The following HSPBAP1 variants were observed in gnomAD, a reference collection of about 807,000 sequenced individuals.
HSPBAP1 encodes HSPB1-associated protein 1.
In HSPBAP1, 27 loss-of-function variants were observed where a neutral mutation model predicts 45.2. The observed-to-expected ratio is 0.60, with a 90% CI of 0.44 to 0.82. HSPBAP1 has a LOEUF of 0.82. HSPBAP1 is among the 40% of genes least tolerant of loss of function. HSPBAP1 has a pLI of 0.00. For synonymous variants in HSPBAP1, 204 were observed against 202.7 expected, an observed-to-expected ratio of 1.01 and a Z score of -0.06; for missense variants, 510 against 590.9, an observed-to-expected ratio of 0.86 and a Z score of 1.42.
At chr3:122,777,935 A>T in intron 1 of HSPBAP1, 29 bp from the exon 2 acceptor site, 1 of 1,500,452 alleles carries the variant, frequency 6.7e-7, no homozygotes, top group Non-Finnish European at 9.2e-7. Context: ...ACAGCAATAG[A>T]TAGAAAACTA....
chr3:122,755,202 A>G, intron 5 of HSPBAP1, 58 bp downstream of exon 5: 1 of 1,373,632 alleles, frequency 7.3e-7, no homozygotes, highest in East Asian at 2.6e-5. Context: ...TAAGGACTTG[A>G]GAGAGTTACA....
chr3:122,754,421 T>C (rs1191966249), intron 5 of HSPBAP1: 3 of 477,878 alleles, frequency 6.3e-6, no homozygotes, highest in Non-Finnish European at 8.2e-6. Flanking sequence ...GTGTGAAATG[T>C]CCAGAATGGG....
intron 1 of HSPBAP1, among the ~76,000 whole-genome samples, chr3:122,786,819 C>T (rs987702624): frequency 1.3e-5 from 2 of 152,114 alleles, no homozygotes; most frequent in East Asian, 1.9e-4. Flanking sequence ...TCAGGCCCAT[C>T]GTGAAATAAA....
intron 3 of HSPBAP1, among the ~76,000 whole-genome samples, chr3:122,768,393 A>AGGCAAT (rs1934863362): frequency 6.6e-6 from 1 of 152,212 alleles, no homozygotes; most frequent in Non-Finnish European, 1.5e-5. Context: ...GGAGGTCAGG[A>AGGCAAT]GGCAATGAAG....
At position 122,749,064 on chromosome 3, in the gene HSPBAP1, C is replaced by T. The variant is rs1283982074; in HGVS notation, c.825+3527G>A. On this transcript the variant is annotated intron_variant, in intron 6 of 7. Coordinates refer to ENST00000306103, the MANE Select transcript of HSPBAP1 (RefSeq NM_024610.6). ...GAATAAGTATATAAATAAGTAAAGA[C>T]ATATTTATATGCTTATGCACTTTGT... is the stretch of plus-strand genomic sequence containing the variant. Among the ~76,000 whole-genome samples, 4 of 151,810 alleles carry T rather than the reference C, an allele frequency of 2.6e-5. No individual in the cohort carries two copies. In the East Asian group the frequency reaches 7.7e-4, roughly 29 times the overall value.
chr3:122,747,069 C>G lies in HSPBAP1; in HGVS notation c.825+5522G>C, dbSNP rs570390116. 3.3e-5 allele frequency among the ~76,000 whole-genome samples: 5 copies of G among 152,232 alleles called. No homozygotes were observed. The South Asian group carries it at 1.0e-3, about 32-fold the overall frequency. On this transcript the variant is annotated intron_variant, in intron 6 of 7. Coordinates refer to ENST00000306103, the MANE Select transcript of HSPBAP1 (RefSeq NM_024610.6). ...GCCGAGATTGCAGCCTCTGCCCGGCCGCCACCCCATCTGGGAAGTGAGGAG... is the reference window on the plus strand; with the variant it reads ...GCCGAGATTGCAGCCTCTGCCCGGCGGCCACCCCATCTGGGAAGTGAGGAG...
chr3:122,778,731 T>C (rs1021844150), intron 1 of HSPBAP1, among the ~76,000 whole-genome samples: 1 of 151,998 alleles, frequency 6.6e-6, no homozygotes, highest in Non-Finnish European at 1.5e-5. Flanking sequence ...GGGGTTTCAC[T>C]GTATTAGCCA....
intron 1 of HSPBAP1, among the ~76,000 whole-genome samples, chr3:122,790,186 T>C (rs1935780527): frequency 6.6e-6 from 1 of 152,144 alleles, no homozygotes; most frequent in Non-Finnish European, 1.5e-5. Context: ...AAATCTCCAG[T>C]ACCTTTCTCT....
chr3:122,741,218 C>A, intron 6 of HSPBAP1, 105 bp from the exon 7 acceptor site: 2 of 853,972 alleles, frequency 2.3e-6, no homozygotes, highest in African/African-American at 1.7e-5. Flanking sequence ...TTAATATAAG[C>A]TTTGTTATAG....
chr3:122,779,970 C>T (rs1223953601), intron 1 of HSPBAP1, among the ~76,000 whole-genome samples: 5 of 151,434 alleles, frequency 3.3e-5, no homozygotes, highest in African/African-American at 4.8e-5. Context: ...CCCCCCTTTC[C>T]ATTCCACAAA....
chr3:122,779,731 A>G (rs2107533690), intron 1 of HSPBAP1, among the ~76,000 whole-genome samples: 1 of 150,248 alleles, frequency 6.7e-6, no homozygotes, highest in East Asian at 1.9e-4. Context: ...GCTGCCTTCA[A>G]GCATCTGTTT....
In HSPBAP1 at chr3:122,755,397, G is replaced by T. The variant is rs1320640098; in HGVS notation, c.604C>A (p.Pro202Thr). 2.6e-6 allele frequency: 4 copies of T among 1,559,366 alleles called. No individual in the cohort carries two copies. The highest frequency in any genetic ancestry group is 1.9e-5 in the Admixed American group (1 of 52,812). ...GGGATTCTAGTTGGATAAAGGAAAG[G>T]AGTATCTTCAGGAGGAAAGAGATGC... Reference protein sequence around the residue: ...RWHLFPPEDTPFLYPTRIPYE... With the variant: ...RWHLFPPEDTTFLYPTRIPYE... Residue 202 changes from proline to threonine, a missense_variant, in exon 5 of 8, where the codon CCT becomes ACT. Transcript: ENST00000306103.
chr3:122,793,198 C>A (rs1433524808), intron 1 of HSPBAP1, among the ~76,000 whole-genome samples: 1 of 152,234 alleles, frequency 6.6e-6, no homozygotes, highest in Non-Finnish European at 1.5e-5. Context: ...TCCCCACTTG[C>A]TAAACCAGGG....
chr3:122,760,684 G>C (rs568550209), intron 3 of HSPBAP1, among the ~76,000 whole-genome samples: 40 of 152,216 alleles, frequency 2.6e-4, no homozygotes, highest in Admixed American at 2.3e-3. Flanking sequence ...GTTCCAGTGG[G>C]TGGCAAAAAT....
At chr3:122,788,401 TC>T (rs945163389) in intron 1 of HSPBAP1, among the ~76,000 whole-genome samples, 2 of 152,124 alleles carry the variant, frequency 1.3e-5, no homozygotes, top group African/African-American at 2.4e-5. Context: ...AACCCCAGCC[TC>T]CCCAAGTGAA....
chr3:122,754,723 C>G, intron 5 of HSPBAP1: 3 of 985,420 alleles, frequency 3.0e-6, no homozygotes, highest in Non-Finnish European at 3.6e-6. Flanking sequence ...ATTTTCCTCA[C>G]TGGGAAGCAG....
chr3:122,747,350 G>A (rs557824218), intron 6 of HSPBAP1, among the ~76,000 whole-genome samples: 231 of 147,674 alleles, frequency 1.6e-3, no homozygotes, highest in African/African-American at 3.1e-3. Flanking sequence ...CGGCCGCCCC[G>A]TCTGAGAAGT....
chr3:122,769,275 A>C (rs1239681875), intron 2 of HSPBAP1, among the ~76,000 whole-genome samples: 1 of 152,272 alleles, frequency 6.6e-6, no homozygotes, highest in Non-Finnish European at 1.5e-5. Flanking sequence ...GAGTAGATTT[A>C]ATAATCCAAA....
At chr3:122,787,043 A>C (rs1239318442) in intron 1 of HSPBAP1, among the ~76,000 whole-genome samples, 1 of 152,202 alleles carries the variant, frequency 6.6e-6, no homozygotes, top group Non-Finnish European at 1.5e-5. Flanking sequence ...AAGCAACCTC[A>C]ACAGTCTTCA....
Sources: gnomAD v4.1 joint callset for allele counts (sites outside exome capture counted in the v4.1 genomes callset) on GRCh38, gnomAD v4.1.1 for gene constraint, MANE v1.5 for transcripts, NCBI Gene and HGNC (gene_info 2026-07-23, HGNC 2026-07-21) for gene names.